FRMD4B: variants seen among roughly 807,000 people sequenced by gnomAD.
FRMD4B encodes FERM domain-containing protein 4B.
Under a neutral mutation model 141.5 loss-of-function variants are expected in FRMD4B, and 74 were observed. The ratio of observed to expected loss-of-function variants is 0.52; its 90% confidence interval spans 0.43 to 0.63. FRMD4B has a LOEUF of 0.63. Among genes scored for constraint, FRMD4B ranks in the 30% least tolerant of loss-of-function variants. The probability of loss-of-function intolerance (pLI) is 0.00; values close to 1 mark genes in which losing one functional copy is unlikely to be tolerated. For missense variants in FRMD4B, 1,366 were observed against 1,253.4 expected, an observed-to-expected ratio of 1.09 and a Z score of -1.36; for synonymous variants, 506 against 467.9, an observed-to-expected ratio of 1.08 and a Z score of -1.05.
intron 1 of FRMD4B, among the ~76,000 whole-genome samples, chr3:69,357,657 C>T (rs1703360809): frequency 6.6e-6 from 1 of 152,176 alleles, no homozygotes; most frequent in African/African-American, 2.4e-5. Context: ...TATCTCAAAA[C>T]TATCACTTTC....
intron 1 of FRMD4B, among the ~76,000 whole-genome samples, chr3:69,318,155 T>G (rs1701868067): frequency 6.6e-6 from 1 of 152,032 alleles, no homozygotes; most frequent in African/African-American, 2.4e-5. Flanking sequence ...TATATTTTTT[T>G]GCAGAGACAG....
chr3:69,480,039 C>T (rs1246549763), intron 1 of FRMD4B, among the ~76,000 whole-genome samples: 1 of 152,182 alleles, frequency 6.6e-6, no homozygotes, highest in East Asian at 1.9e-4. Flanking sequence ...AGTTCTCGAG[C>T]CTTGGCTTTC....
At chr3:69,343,960 C>T (rs1702838275) in intron 1 of FRMD4B, among the ~76,000 whole-genome samples, 1 of 152,156 alleles carries the variant, frequency 6.6e-6, no homozygotes. Flanking sequence ...TTTATATTCC[C>T]CAACTGGTAA....
intron 5 of FRMD4B, among the ~76,000 whole-genome samples, chr3:69,264,835 TTATGACCAAAG>T (rs2093550323): frequency 6.6e-6 from 1 of 152,142 alleles, no homozygotes; most frequent in African/African-American, 2.4e-5. Context: ...GACATGAGCA[TTATGACCAAAG>T]TATCTGGGCA....
intron 1 of FRMD4B, among the ~76,000 whole-genome samples, chr3:69,347,549 G>A (rs1443985840): frequency 1.3e-5 from 2 of 152,078 alleles, no homozygotes; most frequent in East Asian, 3.9e-4. Context: ...GCACCACATT[G>A]CACTTATTCC....
At chr3:69,389,350 G>A (rs76708808), upstream of FRMD4B, among the ~76,000 whole-genome samples, 8,642 of 152,162 alleles carry the variant, frequency 0.057, 813 homozygotes, top group African/African-American at 0.19. Flanking sequence ...CACTCTCTAT[G>A]TCCCTGTGTA....
At chr3:69,345,251 T>C (rs908629673) in intron 1 of FRMD4B, among the ~76,000 whole-genome samples, 2 of 152,132 alleles carry the variant, frequency 1.3e-5, no homozygotes, top group African/African-American at 4.8e-5. Context: ...AGCACAGCAG[T>C]CTGAGATCGA....
chr3:69,384,025 C>A (rs921572249), intron 1 of FRMD4B, among the ~76,000 whole-genome samples: 12 of 151,796 alleles, frequency 7.9e-5, no homozygotes, highest in African/African-American at 2.9e-4. Context: ...GCCTCAAACT[C>A]CTGGGCTCAA....
chr3:69,537,130 T>C (rs1260705864), intron 1 of FRMD4B, among the ~76,000 whole-genome samples: 1 of 152,076 alleles, frequency 6.6e-6, no homozygotes, highest in Non-Finnish European at 1.5e-5. Context: ...ACACATGGGG[T>C]GGCCACATAA....
intron 1 of FRMD4B, among the ~76,000 whole-genome samples, chr3:69,442,207 G>A (rs1705352920): frequency 6.6e-6 from 1 of 151,490 alleles, no homozygotes; most frequent in African/African-American, 2.4e-5. Flanking sequence ...TCAGCCCCCT[G>A]AGTAGCTGGA....
intron 1 of FRMD4B, among the ~76,000 whole-genome samples, chr3:69,313,877 C>T (rs1208121732): frequency 2.6e-5 from 4 of 151,192 alleles, no homozygotes; most frequent in Admixed American, 2.6e-4. Flanking sequence ...CGGTGGCTCA[C>T]GCCTGTAATC....
chr3:69,271,868 G>A (rs544087046), intron 5 of FRMD4B, among the ~76,000 whole-genome samples: 16 of 152,132 alleles, frequency 1.1e-4, no homozygotes, highest in Admixed American at 8.5e-4. Flanking sequence ...CCAGCTGCTC[G>A]GGAGGCTGAG....
chr3:69,531,614 A>C (rs1701009307), intron 1 of FRMD4B, among the ~76,000 whole-genome samples: 1 of 152,204 alleles, frequency 6.6e-6, no homozygotes, highest in South Asian at 2.1e-4. Flanking sequence ...TACATTTCCC[A>C]CTCATCATTT....
At chr3:69,480,157 C>G (rs1172366999) in intron 1 of FRMD4B, among the ~76,000 whole-genome samples, 1 of 152,122 alleles carries the variant, frequency 6.6e-6, no homozygotes, top group Non-Finnish European at 1.5e-5. Flanking sequence ...TTTGAATTTC[C>G]TCCTGTAGCT....
chr3:69,400,592 AG>A (rs1398737445), intron 2 of FRMD4B, among the ~76,000 whole-genome samples: 2 of 152,232 alleles, frequency 1.3e-5, no homozygotes, highest in African/African-American at 4.8e-5. Flanking sequence ...GTTGAGACCC[AG>A]GAAGGCAATC....
At chr3:69,535,950 C>A in intron 1 of FRMD4B, 1 of 390,258 alleles carries the variant, frequency 2.6e-6, no homozygotes, top group Non-Finnish European at 5.1e-6. Context: ...CCTGTGGTCC[C>A]CAGCATCTCC....
At chr3:69,396,747 A>G (rs2106739250) in intron 2 of FRMD4B, among the ~76,000 whole-genome samples, 1 of 152,312 alleles carries the variant, frequency 6.6e-6, no homozygotes, top group South Asian at 2.1e-4. Context: ...TACTAGTGGG[A>G]ATGTAAAATG....
intron 11 of FRMD4B, among the ~76,000 whole-genome samples, chr3:69,214,587 A>G (rs1353316600): frequency 2.6e-5 from 4 of 152,152 alleles, no homozygotes; most frequent in Non-Finnish European, 5.9e-5. Context: ...AGCTGAGCAC[A>G]GTGGCTCGTG....
chr3:69,520,789 T>A (rs1700843370), intron 1 of FRMD4B, among the ~76,000 whole-genome samples: 1 of 152,100 alleles, frequency 6.6e-6, no homozygotes, highest in Admixed American at 6.5e-5. Flanking sequence ...CTTCCCAGAA[T>A]AAACCACAGG....
Sources: gnomAD v4.1 joint callset for allele counts (sites outside exome capture counted in the v4.1 genomes callset) on GRCh38, gnomAD v4.1.1 for gene constraint, MANE v1.5 for transcripts, NCBI Gene and HGNC (gene_info 2026-07-23, HGNC 2026-07-21) for gene names.